PRKCA: variants seen among roughly 807,000 people sequenced by gnomAD.
The protein encoded by PRKCA is protein kinase C alpha type.
Under a neutral mutation model 87.0 loss-of-function variants are expected in PRKCA, and 27 were observed. The observed-to-expected ratio is 0.31, with a 90% CI of 0.23 to 0.43. The LOEUF (loss-of-function observed/expected upper bound fraction) is 0.43, where lower values mean the gene tolerates loss of function less well. Among genes scored for constraint, PRKCA ranks in the 20% least tolerant of loss-of-function variants. The pLI is 1.00. For missense variants in PRKCA, 518 were observed against 852.3 expected (o/e 0.61, Z 4.88); for synonymous variants, 329 against 311.1 (o/e 1.06, Z -0.61).
rs1354692219 is a variant in PRKCA, at chr17:66,319,593, A to G, written c.205+13466A>G. On this transcript the variant is annotated intron_variant, in intron 2 of 16. Coordinates refer to ENST00000413366, the MANE Select transcript of PRKCA (RefSeq NM_002737.3). ...GCATGAAAAAAAAATTTTTTTAAGT[A>G]GAATATATTTCATGTCAGATGAGCA... is the stretch of plus-strand genomic sequence containing the variant. Among the ~76,000 whole-genome samples the G allele has an allele frequency of 2.6e-5, 4 of 152,178 alleles. No homozygotes were observed. The East Asian group carries it at 7.7e-4, about 29-fold the overall frequency.
intron 2 of PRKCA, among the ~76,000 whole-genome samples, chr17:66,326,356 G>A (rs563357621): frequency 2.6e-5 from 4 of 152,174 alleles, no homozygotes; most frequent in East Asian, 1.9e-4. Context: ...TCACTCACCC[G>A]TAATAAATTG....
chr17:66,365,724 A>C (rs1288866341), intron 2 of PRKCA, among the ~76,000 whole-genome samples: 1 of 152,216 alleles, frequency 6.6e-6, no homozygotes, highest in Non-Finnish European at 1.5e-5. Context: ...TCCACTGAGA[A>C]AACAGACGTA....
intron 2 of PRKCA, among the ~76,000 whole-genome samples, chr17:66,310,368 G>A (rs937420960): frequency 5.3e-5 from 8 of 152,056 alleles, no homozygotes; most frequent in African/African-American, 1.2e-4. Context: ...CTGAATGATC[G>A]TCACTGGATT....
chr17:66,700,594 C>T (rs1973035139), intron 8 of PRKCA, among the ~76,000 whole-genome samples: 1 of 152,144 alleles, frequency 6.6e-6, no homozygotes, highest in Non-Finnish European at 1.5e-5. Flanking sequence ...TGAACAAATT[C>T]AGAAAGTTGC....
intron 2 of PRKCA, among the ~76,000 whole-genome samples, chr17:66,440,526 G>T (rs575190614): frequency 1.1e-4 from 17 of 152,240 alleles, no homozygotes. Flanking sequence ...AGAGAGATGG[G>T]TATTCAGGAA....
chr17:66,460,852 C>T (rs1388169269), intron 2 of PRKCA, among the ~76,000 whole-genome samples: 1 of 152,198 alleles, frequency 6.6e-6, no homozygotes. Flanking sequence ...GTTTATAAAA[C>T]ATCAGTATGT....
chr17:66,612,071 G>C (rs1451662556), intron 3 of PRKCA, among the ~76,000 whole-genome samples: 11 of 106,132 alleles, frequency 1.0e-4, no homozygotes, highest in African/African-American at 1.5e-4. Context: ...ATCTCACTTT[G>C]TGAGTAAAAA....
intron 2 of PRKCA, among the ~76,000 whole-genome samples, chr17:66,410,868 G>A (rs1308144874): frequency 6.6e-6 from 1 of 152,046 alleles, no homozygotes; most frequent in African/African-American, 2.4e-5. Context: ...GAGCCACCTT[G>A]CCCAGCCAGG....
At chr17:66,779,425 G>A (rs745525463) in intron 14 of PRKCA, among the ~76,000 whole-genome samples, 8 of 151,782 alleles carry the variant, frequency 5.3e-5, no homozygotes, top group Non-Finnish European at 1.0e-4. Context: ...CTCGGTGATC[G>A]TCATAAAGGG....
At chr17:66,405,136 G>A (rs1290392000) in intron 2 of PRKCA, among the ~76,000 whole-genome samples, 1 of 152,122 alleles carries the variant, frequency 6.6e-6, no homozygotes, top group Non-Finnish European at 1.5e-5. Context: ...AGGAGAGAAG[G>A]CAGAGCACAG....
chr17:66,617,054 A>G (rs1445531942), intron 3 of PRKCA, among the ~76,000 whole-genome samples: 2 of 152,194 alleles, frequency 1.3e-5, no homozygotes, highest in African/African-American at 2.4e-5. Context: ...TTTATAAAAT[A>G]CAGCCTCTGG....
At chr17:66,735,806 CT>C in intron 10 of PRKCA, 144 bp downstream of exon 10, 1 of 844,938 alleles carries the variant, frequency 1.2e-6, no homozygotes. Flanking sequence ...TGGGGACCAC[CT>C]CCCACCTCTC....
chr17:66,758,020 C>T (rs567045433), intron 13 of PRKCA, among the ~76,000 whole-genome samples: 6 of 152,316 alleles, frequency 3.9e-5, no homozygotes, highest in Non-Finnish European at 7.3e-5. Context: ...CCACTGCGCC[C>T]GGCCAAAAGA....
chr17:66,585,785 T>A (rs776626831), intron 3 of PRKCA, among the ~76,000 whole-genome samples: 10 of 152,216 alleles, frequency 6.6e-5, no homozygotes, highest in Non-Finnish European at 1.5e-4. Flanking sequence ...GGTTCCTGTC[T>A]TGTGTAAAGT....
At chr17:66,728,138 T>A (rs1287577519) in intron 8 of PRKCA, among the ~76,000 whole-genome samples, 2 of 152,192 alleles carry the variant, frequency 1.3e-5, no homozygotes, top group African/African-American at 4.8e-5. Flanking sequence ...AGCGTGGAGA[T>A]GGCTCAGGGA....
chr17:66,421,530 TTCTC>T (rs869180271), intron 2 of PRKCA, among the ~76,000 whole-genome samples: 1 of 150,550 alleles, frequency 6.6e-6, no homozygotes, highest in Non-Finnish European at 1.5e-5. Context: ...TTCTCTTCTC[TTCTC>T]TTTTCTTTCT....
intron 8 of PRKCA, among the ~76,000 whole-genome samples, chr17:66,717,913 A>T (rs1973518295): frequency 6.6e-6 from 1 of 151,808 alleles, no homozygotes; most frequent in African/African-American, 2.4e-5. Flanking sequence ...CCGGGAGAAA[A>T]CTCCAAGTAG....
chr17:66,621,295 G>A lies in PRKCA; in HGVS notation c.289-20060G>A, dbSNP rs1045320591. On this transcript the variant is annotated intron_variant, in intron 3 of 16. Transcript: ENST00000413366. ...CAACACTGTAATTCTTGGAATTCAA[G>A]TGTGTCTTTAAATATTTCCACTAGA... Among the ~76,000 whole-genome samples, 8 of 152,342 alleles carry A rather than the reference G, an allele frequency of 5.3e-5. No individual in the cohort carries two copies. The East Asian group carries it at 1.5e-3, about 29-fold the overall frequency.
rs1382510181 is a variant in PRKCA at position 66,792,651 on chromosome 17, G to A, written c.1854+3672G>A. ...AGCACGGGACTTTCCATCTCACGGC[G>A]ACATTAAGATCAAGATCTGCAGTAC... On this transcript the variant is annotated intron_variant, in intron 16 of 16. Transcript: ENST00000413366. This position sits in a 1 kb window ranked among gnomAD's most constrained non-coding sequence, Gnocchi z 4.5. Among the ~76,000 whole-genome samples the A allele has an allele frequency of 1.3e-5, 2 of 152,234 alleles. No individual in the cohort carries two copies. Among genetic ancestry groups the A allele is most frequent in the African/African-American group, 2.4e-5 (1 of 41,458 alleles).
Sources: allele counts gnomAD v4.1 joint callset (sites outside exome capture counted in the v4.1 genomes callset), GRCh38; gene constraint gnomAD v4.1.1; non-coding constraint Gnocchi (gnomAD v3.1); transcripts MANE v1.5; gene names NCBI Gene and HGNC (gene_info 2026-07-23, HGNC 2026-07-21).